Variants in F7 observed in about 807,000 individuals in gnomAD.
F7 encodes the protein coagulation factor VII.
Under a neutral mutation model 47.5 loss-of-function variants are expected in F7, and 38 were observed. That is an observed-to-expected ratio of 0.80 (90% CI 0.62 to 1.05). The LOEUF is 1.05. F7 is among the 50% of genes least tolerant of loss of function. The pLI, the probability that F7 is intolerant of heterozygous loss-of-function variation, is 0.00. For missense variants in F7, 575 were observed against 605.4 expected (o/e 0.95, Z 0.53); for synonymous variants, 244 against 258.5 (o/e 0.94, Z 0.54).
intron 1 of F7, chr13:113,106,788 G>C: frequency 6.6e-7 from 1 of 1,519,738 alleles, no homozygotes. Context: ...TGGGATGTGG[G>C]GCTGCAGCCC....
Position 113,118,142 on chromosome 13 carries a change from C to T in F7, c.740-271C>T, listed in dbSNP as rs148738753. Among the ~76,000 whole-genome samples, 204 of 152,244 alleles carry T rather than the reference C, an allele frequency of 1.3e-3. 1 individual carries two copies. The highest frequency in any genetic ancestry group is 4.7e-3 in the African/African-American group (194 of 41,550). On this transcript the variant is annotated intron_variant, in intron 7 of 7. Transcript: ENST00000346342. Reference sequence around the variant, plus strand: ...GGAAGAACTGTGGAGAATCGGGGCACGCCCTGTCCTCCCAGCTGCCAGGGC... The same window carrying T: ...GGAAGAACTGTGGAGAATCGGGGCATGCCCTGTCCTCCCAGCTGCCAGGGC...
In F7 at chr13:113,115,726, C is replaced by A. The variant is rs771465632; in HGVS notation, c.431C>A (p.Thr144Lys). 6.2e-7 allele frequency: 1 copy of A among 1,613,076 alleles called. No individual in the cohort carries two copies. The highest frequency in any genetic ancestry group is 1.1e-5 in the South Asian group (1 of 91,072). The change falls in exon 5 of 8, where the codon ACG becomes AAG. Residue 144 changes from threonine to lysine, a missense_variant. By Grantham distance (78) the Thr-to-Lys change is moderately conservative (BLOSUM62 -1). Coordinates refer to ENST00000346342, the MANE Select transcript of F7 (RefSeq NM_019616.4). Reference sequence around the variant, plus strand: ...TGTGAGCAGTACTGCAGTGACCACACGGGCACCAAGCGCTCCTGTCGGTGC... The same window carrying A: ...TGTGAGCAGTACTGCAGTGACCACAAGGGCACCAAGCGCTCCTGTCGGTGC... ...GGCEQYCSDH[T>K]GTKRSCRCHE...
At chr13:113,110,919 C>T (rs2036080438) in intron 2 of F7, 69 bp downstream of exon 2, 41 of 1,508,276 alleles carry the variant, frequency 2.7e-5, no homozygotes, top group Non-Finnish European at 3.6e-5. Context: ...CCGCGTGGGG[C>T]CGCCTGCGTC....
intron 2 of F7, among the ~76,000 whole-genome samples, chr13:113,111,076 C>T (rs922965417): frequency 3.9e-5 from 6 of 152,208 alleles, no homozygotes; most frequent in Non-Finnish European, 7.4e-5. Context: ...GGCCGCACCG[C>T]GCATGCCGGT....
chr13:113,113,677 T>A lies in F7; in HGVS notation c.226-75T>A, dbSNP rs2036143939. On this transcript the variant is annotated intron_variant, in intron 2 of 7. Coordinates refer to ENST00000346342, the MANE Select transcript of F7 (RefSeq NM_019616.4). This position sits in a 1 kb window ranked among gnomAD's most constrained non-coding sequence, Gnocchi z 4.1. ...GTCCAAGTCCCCCAACCCCAGTTCA[T>A]GGTGTGTCCAGTGCTTACCGTTGGG... is the stretch of plus-strand genomic sequence containing the variant. 1 of 1,452,598 alleles carries A rather than the reference T, an allele frequency of 6.9e-7. No homozygotes were observed. Among genetic ancestry groups the A allele is most frequent in the Non-Finnish European group, 9.7e-7 (1 of 1,033,586 alleles). The allele number at this position is 1,452,598 out of a possible 1,614,324, so 90.0% of individuals were successfully genotyped here. A position where few individuals can be genotyped will look rare whatever the true frequency, so the allele number is the denominator to read the frequency against.
chr13:113,107,270 C>CG lies in F7; in HGVS notation c.64+1370dup, dbSNP rs1181220506. 3.0e-5 allele frequency among the ~76,000 whole-genome samples: 2 copies of CG among 67,436 alleles called. 1 individual carries two copies. Among genetic ancestry groups the CG allele is most frequent in the African/African-American group, 9.9e-5 (2 of 20,130 alleles). 44.2% of individuals were successfully genotyped at this position (67,436 alleles called of 152,430 possible). ...GGGTGTCCCGGGAGTGTGGGTGTCC[C>CG]GGGGGCGTGGGTGTCCCAGGAGTGT... On this transcript the variant is annotated intron_variant, in intron 1 of 7. Transcript: ENST00000346342.
chr13:113,108,468 G>A (rs1373982281), intron 1 of F7, among the ~76,000 whole-genome samples: 1 of 42,836 alleles, frequency 2.3e-5, no homozygotes, highest in Non-Finnish European at 4.5e-5. Context: ...TTCCGGAGGC[G>A]AGGGTGTCCC....
In F7 at chr13:113,116,049, G is replaced by A. The variant is rs1049857429; in HGVS notation, c.505+249G>A. ...CCTGCCAATTCTAGGCAGACCAGGG[G>A]AGCCAAGCAAGGCACTATCTCACGT... On this transcript the variant is annotated intron_variant, in intron 5 of 7. Transcript: ENST00000346342. Among the ~76,000 whole-genome samples the A allele has an allele frequency of 7.9e-5, 12 of 152,210 alleles. No homozygotes were observed. In the South Asian group the frequency reaches 1.9e-3, roughly 24 times the overall value.
intron 1 of F7, chr13:113,106,950 TG>T (rs1566904667): frequency 6.4e-7 from 1 of 1,569,172 alleles, no homozygotes. Context: ...TGGGGCCCAG[TG>T]GGGGCCAACA....
chr13:113,109,416 A>T (rs79537631), intron 1 of F7, among the ~76,000 whole-genome samples: 3,392 of 152,054 alleles, frequency 0.022, 131 homozygotes, highest in African/African-American at 0.078. Flanking sequence ...CCTCCTTCCA[A>T]ACCAGACCAG....
chr13:113,106,648 GCTGGGGCCTGGGAAT>G (rs2035965662), intron 1 of F7, among the ~76,000 whole-genome samples: 1 of 129,442 alleles, frequency 7.7e-6, no homozygotes. Flanking sequence ...GGCGAGTGGG[GCTGGGGCCTGGGAAT>G]GGTGAGTGGG....
At chr13:113,116,620 C>G (rs1189442547) in intron 5 of F7, 146 bp from the exon 6 acceptor site, 3 of 698,180 alleles carry the variant, frequency 4.3e-6, no homozygotes, top group East Asian at 5.3e-5. Flanking sequence ...TTCCACCACC[C>G]CTGGGCCCTG....
At chr13:113,117,022 G>A (rs771412470) in intron 6 of F7, 147 bp downstream of exon 6, 22 of 730,174 alleles carry the variant, frequency 3.0e-5, no homozygotes, top group South Asian at 1.0e-4. Flanking sequence ...TCCAGCTCGC[G>A]GCACCCCCAT....
intron 2 of F7, among the ~76,000 whole-genome samples, chr13:113,112,434 C>G (rs546185829): frequency 6.7e-6 from 1 of 149,454 alleles, no homozygotes; most frequent in South Asian, 2.2e-4. Flanking sequence ...ACCTCATACT[C>G]ACAGATCACT....
chr13:113,113,663 C>A lies in F7; in HGVS notation c.226-89C>A. 7.2e-7 allele frequency: 1 copy of A among 1,390,070 alleles called. No homozygotes were observed. Among genetic ancestry groups the A allele is most frequent in the South Asian group, 1.2e-5 (1 of 86,692 alleles). 86.1% of individuals were successfully genotyped at this position (1,390,070 alleles called of 1,614,324 possible). Reference sequence around the variant, plus strand: ...CCCGCCAGACCCAGGTCCAAGTCCCCCAACCCCAGTTCATGGTGTGTCCAG... The same window carrying A: ...CCCGCCAGACCCAGGTCCAAGTCCCACAACCCCAGTTCATGGTGTGTCCAG... On this transcript the variant is annotated intron_variant, in intron 2 of 7. Transcript: ENST00000346342. This position sits in a 1 kb window ranked among gnomAD's most constrained non-coding sequence, Gnocchi z 4.1.
chr13:113,115,200 C>G (rs1312605199), intron 4 of F7, among the ~76,000 whole-genome samples: 6 of 152,210 alleles, frequency 3.9e-5, no homozygotes, highest in Non-Finnish European at 8.8e-5. Flanking sequence ...AGTGCTGGGA[C>G]TAACTGTCCC....
In F7 at chr13:113,110,513, G is replaced by T; in HGVS notation, c.65-177G>T. The T allele has an allele frequency of 2.6e-6, 2 of 777,366 alleles. 1 individual carries two copies. Among genetic ancestry groups the T allele is most frequent in the East Asian group, 5.8e-5 (2 of 34,496 alleles). 48.2% of individuals were successfully genotyped at this position (777,366 alleles called of 1,614,324 possible). A position where few individuals can be genotyped will look rare whatever the true frequency, so the allele number is the denominator to read the frequency against. ...AGGCCGGGAAGGATGGGCGACGGGGGTGGCTGACCCGGGAGCACGGCAGGG... is the reference window on the plus strand; with the variant it reads ...AGGCCGGGAAGGATGGGCGACGGGGTTGGCTGACCCGGGAGCACGGCAGGG... On this transcript the variant is annotated intron_variant, in intron 1 of 7. Transcript: ENST00000346342.
chr13:113,108,735 G>A (rs1480742126), intron 1 of F7, among the ~76,000 whole-genome samples: 10 of 125,820 alleles, frequency 7.9e-5, no homozygotes, highest in African/African-American at 1.6e-4. Context: ...TGGGTGTCCC[G>A]GGAGTGTGGG....
chr13:113,119,070 T>G lies in F7; in HGVS notation c.*62T>G. ...TGCGTCGAACTGTCCTGGCACCAAA[T>G]CCCATATATTCTTCTGCAGTTAATG... On this transcript the variant is annotated 3_prime_UTR_variant, in exon 8 of 8. Coordinates refer to ENST00000346342, the MANE Select transcript of F7 (RefSeq NM_019616.4). 3.7e-6 allele frequency: 5 copies of G among 1,357,170 alleles called. No homozygotes were observed. The highest frequency in any genetic ancestry group is 1.4e-5 in the African/African-American group (1 of 68,996). 84.1% of individuals were successfully genotyped at this position (1,357,170 alleles called of 1,614,324 possible).
Sources: gnomAD v4.1 joint callset for allele counts (sites outside exome capture counted in the v4.1 genomes callset) on GRCh38, gnomAD v4.1.1 for gene constraint, Gnocchi (gnomAD v3.1) non-coding constraint, MANE v1.5 for transcripts, NCBI Gene and HGNC (gene_info 2026-07-23, HGNC 2026-07-21) for gene names.